Variants in GRAMD1B observed in about 807,000 individuals in gnomAD.
GRAMD1B encodes GRAM domain containing 1B.
GRAMD1B carries 37 observed loss-of-function variants against 99.7 expected under a neutral mutation model. The observed-to-expected ratio is 0.37, with a 90% CI of 0.29 to 0.49. The LOEUF is 0.49. Ranked by LOEUF, GRAMD1B falls within the 20% of genes least tolerant of loss-of-function variation. The pLI is 0.98. For synonymous variants in GRAMD1B, 427 were observed against 387.6 expected (o/e 1.10, Z -1.19); for missense variants, 888 against 1,009.2 (o/e 0.88, Z 1.63).
chr11:123,611,976 A>G lies in GRAMD1B; in HGVS notation c.1920-785A>G, dbSNP rs1034783427. Among the ~76,000 whole-genome samples the G allele has an allele frequency of 7.9e-5, 12 of 152,304 alleles. No homozygotes were observed. The South Asian group carries it at 8.3e-4, about 11-fold the overall frequency. On this transcript the variant is annotated intron_variant, in intron 14 of 19. Transcript: ENST00000635736. ...GAAAAGAGCTGATACTGCAGGGGGTATGGACAGAAGTGTGACCAGTGACTG... is the reference window on the plus strand; with the variant it reads ...GAAAAGAGCTGATACTGCAGGGGGTGTGGACAGAAGTGTGACCAGTGACTG...
intron 2 of GRAMD1B, among the ~76,000 whole-genome samples, chr11:123,571,790 C>G (rs1948130728): frequency 6.6e-6 from 1 of 152,090 alleles, no homozygotes; most frequent in African/African-American, 2.4e-5. Flanking sequence ...TATGCCTTTT[C>G]ACCCTTGTTC....
chr11:123,511,559 G>A (rs1158101555), intron 2 of GRAMD1B, among the ~76,000 whole-genome samples: 2 of 152,172 alleles, frequency 1.3e-5, no homozygotes, highest in African/African-American at 4.8e-5. Context: ...GGCTGAGTCT[G>A]TGCAGCCCCA....
At chr11:123,365,176 C>G (rs529250650) in intron 1 of GRAMD1B, among the ~76,000 whole-genome samples, 55 of 152,232 alleles carry the variant, frequency 3.6e-4, no homozygotes, top group African/African-American at 1.3e-3. Context: ...AAGTGGCAAA[C>G]CAATGTTCTA....
At chr11:123,401,407 C>T (rs1433108762) in intron 1 of GRAMD1B, among the ~76,000 whole-genome samples, 1 of 152,264 alleles carries the variant, frequency 6.6e-6, no homozygotes, top group Non-Finnish European at 1.5e-5. Flanking sequence ...ACTCAGTAGG[C>T]AGGCATGGGC....
At chr11:123,477,811 G>T (rs1223593802) in intron 1 of GRAMD1B, among the ~76,000 whole-genome samples, 1 of 124,340 alleles carries the variant, frequency 8.0e-6, no homozygotes, top group Non-Finnish European at 1.6e-5. Context: ...GTCTCACTCT[G>T]TCGCCCAGGC....
chr11:123,556,165 A>T (rs1235086554), intron 2 of GRAMD1B, among the ~76,000 whole-genome samples: 4 of 152,212 alleles, frequency 2.6e-5, no homozygotes, highest in Non-Finnish European at 5.9e-5. Context: ...CTCCTAAATG[A>T]CTATGCTTCA....
At chr11:123,423,916 G>A (rs118091577) in intron 1 of GRAMD1B, among the ~76,000 whole-genome samples, 5 of 152,044 alleles carry the variant, frequency 3.3e-5, no homozygotes, top group Non-Finnish European at 7.4e-5. Context: ...TCAGCACAGC[G>A]CCTGGCTTAG....
chr11:123,603,502 AG>A lies in GRAMD1B; in HGVS notation c.1129del (p.Asp377ThrfsTer25). On this transcript the variant is annotated frameshift_variant, in exon 9 of 20. Coordinates refer to ENST00000635736, the MANE Select transcript of GRAMD1B (RefSeq NM_001387025.1). LOFTEE classifies it high-confidence loss of function. ...GAATTGGGCCTGACCAGTGATGACG[AG>A]GACTACGTGCCCCCTGACGACGACT... ...GNELGLTSDD[E>X]DYVPPDDDFN... is the part of the protein sequence containing the mutation. 1 of 1,613,612 alleles carries A rather than the reference AG, an allele frequency of 6.2e-7. No homozygotes were observed. The highest frequency in any genetic ancestry group is 8.5e-7 in the Non-Finnish European group (1 of 1,179,500).
At chr11:123,560,073 C>A (rs534769136) in intron 2 of GRAMD1B, among the ~76,000 whole-genome samples, 15 of 150,874 alleles carry the variant, frequency 9.9e-5, no homozygotes, top group South Asian at 6.3e-4. Context: ...TAACCCCCCC[C>A]CCCGCAGCCC....
intron 1 of GRAMD1B, among the ~76,000 whole-genome samples, chr11:123,455,356 G>A (rs1188892636): frequency 1.3e-5 from 2 of 151,898 alleles, no homozygotes; most frequent in Non-Finnish European, 2.9e-5. Context: ...CGAACTCCTG[G>A]GCTCAAGTGA....
chr11:123,597,933 T>A (rs1453922557), intron 7 of GRAMD1B: 10 of 1,076,004 alleles, frequency 9.3e-6, no homozygotes, highest in Non-Finnish European at 1.4e-5. Flanking sequence ...CTGAGCTACA[T>A]CCCTGAACAC....
intron 1 of GRAMD1B, among the ~76,000 whole-genome samples, chr11:123,370,622 GA>G (rs1946495445): frequency 6.6e-6 from 1 of 152,102 alleles, no homozygotes; most frequent in African/African-American, 2.4e-5. Flanking sequence ...TTACAGGTGT[GA>G]GCCACTGCAC....
At chr11:123,390,718 G>A (rs1220563563) in intron 1 of GRAMD1B, among the ~76,000 whole-genome samples, 1 of 152,160 alleles carries the variant, frequency 6.6e-6, no homozygotes, top group Admixed American at 6.5e-5. Context: ...TTCCTTTGCA[G>A]GATTGATAAT....
chr11:123,430,923 A>G lies in GRAMD1B; in HGVS notation c.131A>G (p.Lys44Arg), dbSNP rs959840070. 5.7e-6 allele frequency: 4 copies of G among 702,558 alleles called. No homozygotes were observed. The highest frequency in any genetic ancestry group is 1.0e-5 in the Non-Finnish European group (4 of 384,816). The allele number at this position is 702,558 out of a possible 1,614,324, so 43.5% of individuals were successfully genotyped here. A position where few individuals can be genotyped will look rare whatever the true frequency, so the allele number is the denominator to read the frequency against. The change falls in exon 1 of 20, where the codon AAG becomes AGG. Residue 44 changes from lysine (K) to arginine (R), a missense_variant. By Grantham distance (26) the Lys-to-Arg change is conservative (BLOSUM62 2). Around this residue, in one of 5 missense-constraint regions of GRAMD1B, gnomAD observed 233 missense variants for 154.6 expected, o/e 1.51. Coordinates refer to ENST00000635736, the MANE Select transcript of GRAMD1B (RefSeq NM_001387025.1). The part of the protein sequence containing the change: ...STPTLRRRRF[K>R]MRRMKNVQEQ... ...CCCACGCTTCGCCGCCGGCGCTTCAAGATGCGCCGCATGAAGAACGTACAG... is the reference window on the plus strand; with the variant it reads ...CCCACGCTTCGCCGCCGGCGCTTCAGGATGCGCCGCATGAAGAACGTACAG...
At chr11:123,619,572 T>C (rs982693205) in intron 19 of GRAMD1B, 161 of 1,166,378 alleles carry the variant, frequency 1.4e-4, no homozygotes, top group Non-Finnish European at 1.6e-4. Context: ...TTACAGAGAT[T>C]TGTCTTCCCA....
chr11:123,622,521 A>G lies in GRAMD1B; in HGVS notation c.2560A>G (p.Ile854Val), dbSNP rs780652358. The G allele has an allele frequency of 2.6e-5, 40 of 1,555,974 alleles. No homozygotes were observed. The East Asian group carries it at 8.9e-4, about 35-fold the overall frequency. Residue 854 changes from isoleucine to valine, a missense_variant, in exon 20 of 20, where the codon ATC becomes GTC. Ile to Val is a conservative substitution (Grantham distance 29). Coordinates refer to ENST00000635736, the MANE Select transcript of GRAMD1B (RefSeq NM_001387025.1). ...TGTCTTGCAGATGAAGGACTCGCTC[A>G]TCAACCTTCAGAACGGCATCAGGTC... ...MLLDQMKDSL[I>V]NLQNGIRSRD...
chr11:123,588,539 T>C (rs1950293945), intron 4 of GRAMD1B, among the ~76,000 whole-genome samples: 1 of 152,200 alleles, frequency 6.6e-6, no homozygotes, highest in African/African-American at 2.4e-5. Flanking sequence ...TGGAGCTACC[T>C]ACAGCCTACA....
At chr11:123,463,497 A>C (rs1285294707) in intron 1 of GRAMD1B, among the ~76,000 whole-genome samples, 2 of 152,236 alleles carry the variant, frequency 1.3e-5, no homozygotes, top group African/African-American at 4.8e-5. Context: ...ATGAATTGAA[A>C]AAAGCAGCCA....
chr11:123,481,479 A>G (rs1951604133), intron 2 of GRAMD1B, among the ~76,000 whole-genome samples: 1 of 146,516 alleles, frequency 6.8e-6, no homozygotes, highest in Non-Finnish European at 1.5e-5. Flanking sequence ...ACAACAACAA[A>G]CTTTACAGTG....
Sources: gnomAD v4.1 joint callset for allele counts (sites outside exome capture counted in the v4.1 genomes callset) on GRCh38, gnomAD v4.1.1 for gene constraint, gnomAD v4.1.1 regional missense constraint, MANE v1.5 for transcripts, NCBI Gene and HGNC (gene_info 2026-07-23, HGNC 2026-07-21) for gene names.